The following GALNT12 variants were observed in gnomAD, a reference collection of about 807,000 sequenced individuals.
GALNT12 encodes UDP-GalNAc:polypeptide N-acetylgalactosaminyltransferase 12.
GALNT12 carries 45 observed loss-of-function variants against 55.5 expected under a neutral mutation model. That is an observed-to-expected ratio of 0.81 (90% CI 0.64 to 1.04). GALNT12 has a LOEUF of 1.04. GALNT12 is among the 50% of genes least tolerant of loss of function. GALNT12 has a pLI of 0.00. For synonymous variants in GALNT12, 304 were observed against 312.2 expected, an observed-to-expected ratio of 0.97 and a Z score of 0.28; for missense variants, 709 against 754.8, an observed-to-expected ratio of 0.94 and a Z score of 0.71.
rs761534603 is a variant in GALNT12 at position 98,823,400 on chromosome 9, C to T, written c.516C>T (p.Ile172=). 5.6e-6 allele frequency: 9 copies of T among 1,614,180 alleles called. 1 individual carries two copies. Among genetic ancestry groups the T allele is most frequent in the Middle Eastern group, 1.7e-4 (1 of 6,060 alleles). ...TSPDILLEEV[I]LVDDYSDREH... is the part of the protein sequence containing the mutation. ...CGGATATCCTGCTAGAAGAAGTGAT[C>T]CTTGTAGATGACTACAGTGATAGAG... The change falls in exon 2 of 10, where the codon ATC becomes ATT. Residue 172 remains isoleucine (I), a synonymous_variant. Coordinates refer to ENST00000375011, the MANE Select transcript of GALNT12 (RefSeq NM_024642.5).
At chr9:98,841,505 G>A (rs1238285881) in intron 7 of GALNT12, among the ~76,000 whole-genome samples, 3 of 152,104 alleles carry the variant, frequency 2.0e-5, no homozygotes, top group African/African-American at 4.8e-5. Context: ...GATAACCATT[G>A]CCTAGGCCCA....
intron 3 of GALNT12, among the ~76,000 whole-genome samples, chr9:98,830,819 A>G (rs538020006): frequency 6.6e-6 from 1 of 152,304 alleles, no homozygotes; most frequent in African/African-American, 2.4e-5. Context: ...CCAGAGTGGT[A>G]TTTCTAATAT....
At chr9:98,822,445 G>GA (rs1835765120) in intron 1 of GALNT12, among the ~76,000 whole-genome samples, 1 of 151,970 alleles carries the variant, frequency 6.6e-6, no homozygotes, top group East Asian at 1.9e-4. Flanking sequence ...AACAAAGAGG[G>GA]AGCTTATTGG....
At chr9:98,812,637 T>C (rs540357539) in intron 1 of GALNT12, among the ~76,000 whole-genome samples, 1 of 152,304 alleles carries the variant, frequency 6.6e-6, no homozygotes, top group Admixed American at 6.5e-5. Context: ...AACAAGATAG[T>C]TATATCCACT....
At chr9:98,815,829 G>A (rs564391549) in intron 1 of GALNT12, among the ~76,000 whole-genome samples, 19 of 152,280 alleles carry the variant, frequency 1.2e-4, no homozygotes, top group Middle Eastern at 6.8e-3. Flanking sequence ...TTGTTTATGC[G>A]TGAACGCGCT....
At chr9:98,833,408 G>C (rs909049311) in intron 4 of GALNT12, among the ~76,000 whole-genome samples, 2 of 152,220 alleles carry the variant, frequency 1.3e-5, no homozygotes, top group South Asian at 4.1e-4. Flanking sequence ...AGGCTGGAGA[G>C]ATGGGCGGGG....
At chr9:98,845,828 A>G (rs1023289031) in intron 8 of GALNT12, 149 bp from the exon 9 acceptor site, 1 of 794,372 alleles carries the variant, frequency 1.3e-6, no homozygotes, top group African/African-American at 1.7e-5. Flanking sequence ...TGGGATGCGG[A>G]GGAACCCATC....
intron 4 of GALNT12, among the ~76,000 whole-genome samples, chr9:98,833,822 T>A (rs1836063935): frequency 6.6e-6 from 1 of 151,676 alleles, no homozygotes; most frequent in Non-Finnish European, 1.5e-5. Flanking sequence ...TTCATGGGGG[T>A]CCATGAATTC....
intron 9 of GALNT12, 34 bp downstream of exon 9, chr9:98,846,157 G>A: frequency 6.2e-7 from 1 of 1,612,948 alleles, no homozygotes; most frequent in Non-Finnish European, 8.5e-7. Context: ...CCTGCTGACA[G>A]TCCCTGGGCT....
At chr9:98,842,356 A>G (rs994504066) in intron 7 of GALNT12, among the ~76,000 whole-genome samples, 1 of 151,216 alleles carries the variant, frequency 6.6e-6, no homozygotes, top group African/African-American at 2.4e-5. Context: ...CTAATTTTTT[A>G]TTTTTATTTT....
chr9:98,831,953 A>C lies in GALNT12; in HGVS notation c.913A>C (p.Ile305Leu). 3 of 1,613,728 alleles carry C rather than the reference A, an allele frequency of 1.9e-6. No homozygotes were observed. Residue 305 changes from isoleucine (I) to leucine (L), a missense_variant, in exon 4 of 10, where the codon ATC becomes CTC. Coordinates refer to ENST00000375011, the MANE Select transcript of GALNT12 (RefSeq NM_024642.5). ...RIRMQSPVDVIRSPTMAGGLF... is the reference protein window; with the variant it reads ...RIRMQSPVDVLRSPTMAGGLF... ...ACGGATGCAATCCCCCGTCGATGTC[A>C]TCAGGTCAGGAGCTGACTTCTGGGT...
At chr9:98,831,544 G>A (rs1474336522) in intron 3 of GALNT12, among the ~76,000 whole-genome samples, 1 of 152,186 alleles carries the variant, frequency 6.6e-6, no homozygotes, top group African/African-American at 2.4e-5. Context: ...TTAAAGTCAT[G>A]GGACTTTTTG....
At chr9:98,826,476 A>G (rs550523624) in intron 2 of GALNT12, among the ~76,000 whole-genome samples, 5 of 152,120 alleles carry the variant, frequency 3.3e-5, no homozygotes, top group African/African-American at 1.2e-4. Flanking sequence ...ACACCATTCA[A>G]TTCACCCATT....
chr9:98,826,812 G>T lies in GALNT12; in HGVS notation c.602G>T (p.Arg201Leu). 1 of 1,611,980 alleles carries T rather than the reference G, an allele frequency of 6.2e-7. No homozygotes were observed. Among genetic ancestry groups the T allele is most frequent in the South Asian group, 1.1e-5 (1 of 90,678 alleles). ...GGACTGCCCAAGGTGCGCCTGATCC[G>T]CGCCAACAAGAGAGAGGGCCTGGTG... ...LSGLPKVRLI[R>L]ANKREGLVRA... Residue 201 changes from arginine to leucine, a missense_variant, in exon 3 of 10, where the codon CGC becomes CTC. Arg to Leu is a moderately radical substitution (Grantham distance 102). Transcript: ENST00000375011.
At chr9:98,848,312 CAG>C (rs1836466966) in intron 9 of GALNT12, among the ~76,000 whole-genome samples, 1 of 152,026 alleles carries the variant, frequency 6.6e-6, no homozygotes. Context: ...CAGCTTATAA[CAG>C]AGAGGCAGAG....
At chr9:98,821,226 T>A (rs1043939677) in intron 1 of GALNT12, among the ~76,000 whole-genome samples, 6 of 151,966 alleles carry the variant, frequency 3.9e-5, no homozygotes, top group Non-Finnish European at 8.8e-5. Context: ...GTCAGGCTGG[T>A]CTCGAACTCC....
In GALNT12 at chr9:98,839,987, T is replaced by C. The variant is rs1836246917; in HGVS notation, c.1213-15T>C. 6.2e-7 allele frequency: 1 copy of C among 1,613,940 alleles called. No homozygotes were observed. Among genetic ancestry groups the C allele is most frequent in the Non-Finnish European group, 8.5e-7 (1 of 1,179,890 alleles). On this transcript the variant is annotated splice_polypyrimidine_tract_variant and intron_variant, in intron 6 of 9. Transcript: ENST00000375011. The stretch of plus-strand genomic sequence containing the variant: ...CTAGGACCCATGGGGTCTCACTGTT[T>C]TGTTGTTTTCTCAGGAACCTTTTGG...
intron 5 of GALNT12, among the ~76,000 whole-genome samples, chr9:98,836,539 A>G (rs1321689170): frequency 6.6e-6 from 1 of 151,032 alleles, no homozygotes; most frequent in Non-Finnish European, 1.5e-5. Flanking sequence ...CCTCTTCCTT[A>G]GGTGTCAGGC....
At chr9:98,839,916 G>A in intron 6 of GALNT12, 86 bp from the exon 7 acceptor site, 2 of 1,555,316 alleles carry the variant, frequency 1.3e-6, no homozygotes, top group African/African-American at 1.4e-5. Flanking sequence ...CTGGCTGGTG[G>A]TTAGTAAGTG....
Sources: allele counts gnomAD v4.1 joint callset (sites outside exome capture counted in the v4.1 genomes callset), GRCh38; gene constraint gnomAD v4.1.1; transcripts MANE v1.5; gene names NCBI Gene and HGNC (gene_info 2026-07-23, HGNC 2026-07-21).